The following CACNB2 variants were observed in gnomAD, a reference collection of about 807,000 sequenced individuals.
The protein encoded by CACNB2 is voltage-dependent L-type calcium channel subunit beta-2.
Under a neutral mutation model 73.3 loss-of-function variants are expected in CACNB2, and 42 were observed. That is an observed-to-expected ratio of 0.57 (90% CI 0.45 to 0.74). The LOEUF (loss-of-function observed/expected upper bound fraction) is 0.74, where lower values mean the gene tolerates loss of function less well. Among genes scored for constraint, CACNB2 ranks in the 30% least tolerant of loss-of-function variants. The pLI is 0.00. For synonymous variants in CACNB2, 348 were observed against 310.3 expected (o/e 1.12, Z -1.28); for missense variants, 940 against 853.0 (o/e 1.10, Z -1.27).
intron 3 of CACNB2, among the ~76,000 whole-genome samples, chr10:18,414,562 G>C (rs1376346494): frequency 7.0e-6 from 1 of 143,246 alleles, no homozygotes; most frequent in Admixed American, 7.4e-5. Context: ...TCGGCTCACT[G>C]CAACCTCTGA....
At position 18,535,008 on chromosome 10, in the gene CACNB2, C is replaced by A. The variant is rs1215079311; in HGVS notation, c.1206+781C>A. Among the ~76,000 whole-genome samples, 70 of 152,190 alleles carry A rather than the reference C, an allele frequency of 4.6e-4. 3 individuals are homozygous for A. The highest frequency in any genetic ancestry group is 4.5e-3 in the Admixed American group (69 of 15,278). On this transcript the variant is annotated intron_variant, in intron 11 of 13. Transcript: ENST00000324631. The stretch of plus-strand genomic sequence containing the variant: ...AGAATTTTAGAAAACTTGTATGCAT[C>A]TCTGAGAACTTGCAAGCTTCCCAAT...
chr10:18,457,911 A>G (rs2047367757), intron 3 of CACNB2, among the ~76,000 whole-genome samples: 1 of 152,032 alleles, frequency 6.6e-6, no homozygotes, highest in Non-Finnish European at 1.5e-5. Context: ...AAAAAAAAGG[A>G]GAAAATGTTT....
chr10:18,247,146 A>G (rs1022034105), intron 2 of CACNB2, among the ~76,000 whole-genome samples: 3 of 152,074 alleles, frequency 2.0e-5, no homozygotes, highest in Non-Finnish European at 4.4e-5. Context: ...CTCTCCTGGG[A>G]ATTCCCTGGC....
At chr10:18,467,752 C>T (rs1167783961) in intron 3 of CACNB2, among the ~76,000 whole-genome samples, 1 of 152,168 alleles carries the variant, frequency 6.6e-6, no homozygotes. Flanking sequence ...CCAACTTGCT[C>T]CTCTTCTAAA....
At chr10:18,498,033 G>C (rs1261189511) in intron 3 of CACNB2, among the ~76,000 whole-genome samples, 1 of 152,138 alleles carries the variant, frequency 6.6e-6, no homozygotes, top group Non-Finnish European at 1.5e-5. Flanking sequence ...ATTCATGTTT[G>C]TGTTTCCTGA....
chr10:18,362,878 C>T (rs887930505), intron 2 of CACNB2, among the ~76,000 whole-genome samples: 7 of 151,824 alleles, frequency 4.6e-5, no homozygotes, highest in African/African-American at 1.4e-4. Flanking sequence ...CACTGCACTC[C>T]AGCGTGGGCG....
rs569936086 is a variant in CACNB2 at position 18,531,167 on chromosome 10, C to T, written c.1055-2909C>T. ...CACTTAGGTGTCCCTCAACACTAGC[C>T]GCAATGAAAGTAACCATCTCTACTC... On this transcript the variant is annotated intron_variant, in intron 10 of 13. Transcript: ENST00000324631. Among the ~76,000 whole-genome samples, 17 of 152,278 alleles carry T rather than the reference C, an allele frequency of 1.1e-4. No homozygotes were observed. The South Asian group carries it at 2.7e-3, about 24-fold the overall frequency.
At chr10:18,470,943 A>T (rs527859056) in intron 3 of CACNB2, among the ~76,000 whole-genome samples, 90 of 152,310 alleles carry the variant, frequency 5.9e-4, no homozygotes, top group African/African-American at 1.9e-3. Context: ...CCTGGTTCCC[A>T]ACAACAGTGT....
intron 3 of CACNB2, among the ~76,000 whole-genome samples, chr10:18,432,413 C>G (rs1285398680): frequency 6.6e-6 from 1 of 151,076 alleles, no homozygotes; most frequent in Non-Finnish European, 1.5e-5. Context: ...AAACTTAACA[C>G]AAATTGCACT....
Position 18,214,349 on chromosome 10 carries a change from G to T in CACNB2, c.213+63374G>T, listed in dbSNP as rs187259376. 4.3e-3 allele frequency among the ~76,000 whole-genome samples: 328 copies of T among 75,576 alleles called. 116 individuals carry two copies. The Middle Eastern group carries it at 0.044, about 10-fold the overall frequency. The allele number at this position is 75,576 out of a possible 152,430, so 49.6% of individuals were successfully genotyped here. A position where few individuals can be genotyped will look rare whatever the true frequency, so the allele number is the denominator to read the frequency against. On this transcript the variant is annotated intron_variant, in intron 2 of 13. Transcript: ENST00000324631. ...TAAAAATATTTAACAACTGTGACTGGGTGCAGTGGCTCACGCCTGTAATCG... is the reference window on the plus strand; with the variant it reads ...TAAAAATATTTAACAACTGTGACTGTGTGCAGTGGCTCACGCCTGTAATCG...
chr10:18,351,289 G>A (rs1002272791), intron 2 of CACNB2, among the ~76,000 whole-genome samples: 1 of 151,736 alleles, frequency 6.6e-6, no homozygotes, highest in Non-Finnish European at 1.5e-5. Context: ...TCATCATGTT[G>A]TATTACAGAT....
chr10:18,245,811 T>C (rs1457462726), intron 2 of CACNB2, among the ~76,000 whole-genome samples: 1 of 152,032 alleles, frequency 6.6e-6, no homozygotes, highest in Non-Finnish European at 1.5e-5. Flanking sequence ...TAGGTGAAGG[T>C]ATGGGGTGGG....
At position 18,220,201 on chromosome 10, in the gene CACNB2, GTATATATATA is replaced by G. The variant is rs773942256; in HGVS notation, c.213+69249_213+69258del. Among the ~76,000 whole-genome samples, 110 of 23,310 alleles carry G rather than the reference GTATATATATA, an allele frequency of 4.7e-3. 13 individuals are homozygous for G. Among genetic ancestry groups the G allele is most frequent in the African/African-American group, 0.02 (71 of 3,628 alleles). The allele number at this position is 23,310 out of a possible 152,430, so 15.3% of individuals were successfully genotyped here. On this transcript the variant is annotated intron_variant, in intron 2 of 13. Transcript: ENST00000324631. ...CATATATATACATATATATGTGTGT[GTATATATATA>G]TATATATATATATATATATATAGAG...
chr10:18,167,774 A>AT (rs2032957330), intron 2 of CACNB2, among the ~76,000 whole-genome samples: 1 of 152,176 alleles, frequency 6.6e-6, no homozygotes, highest in Non-Finnish European at 1.5e-5. Flanking sequence ...CTATCATCAC[A>AT]AACAAATCTA....
chr10:18,391,724 C>T (rs555493141), intron 2 of CACNB2, among the ~76,000 whole-genome samples: 5 of 151,894 alleles, frequency 3.3e-5, no homozygotes, highest in African/African-American at 4.8e-5. Flanking sequence ...TCCAGGAGTT[C>T]GAGACCAGCC....
At chr10:18,219,630 C>G (rs2035648645) in intron 2 of CACNB2, among the ~76,000 whole-genome samples, 1 of 152,078 alleles carries the variant, frequency 6.6e-6, no homozygotes, top group Non-Finnish European at 1.5e-5. Context: ...TTGGGGCCTC[C>G]TTTAGAATAC....
intron 2 of CACNB2, among the ~76,000 whole-genome samples, chr10:18,302,772 C>T (rs574948022): frequency 6.6e-6 from 1 of 152,170 alleles, no homozygotes; most frequent in South Asian, 2.1e-4. Context: ...TCAGGTGATG[C>T]GTGCACCAAA....
At chr10:18,245,813 T>C (rs942933824) in intron 2 of CACNB2, among the ~76,000 whole-genome samples, 3 of 152,086 alleles carry the variant, frequency 2.0e-5, no homozygotes, top group Non-Finnish European at 2.9e-5. Flanking sequence ...GGTGAAGGTA[T>C]GGGGTGGGAA....
rs557572342 is a variant in CACNB2, at chr10:18,248,027, C to G, written c.213+97052C>G. 2.0e-5 allele frequency among the ~76,000 whole-genome samples: 3 copies of G among 152,282 alleles called. No homozygotes were observed. In the South Asian group the frequency reaches 6.2e-4, roughly 32 times the overall value. On this transcript the variant is annotated intron_variant, in intron 2 of 13. Coordinates refer to ENST00000324631, the MANE Select transcript of CACNB2 (RefSeq NM_201596.3). ...ATCCCAATCATGACCTAATCACCTC[C>G]CAAAGGCCTCTCCTAATTCCATCAC... is the stretch of plus-strand genomic sequence containing the variant.
Sources: allele counts gnomAD v4.1 joint callset (sites outside exome capture counted in the v4.1 genomes callset), GRCh38; gene constraint gnomAD v4.1.1; transcripts MANE v1.5; gene names NCBI Gene and HGNC (gene_info 2026-07-23, HGNC 2026-07-21).